TACC2: variants seen among roughly 807,000 people sequenced by gnomAD.
The protein encoded by TACC2 is transforming acidic coiled-coil-containing protein 2.
In TACC2, 137 loss-of-function variants were observed where a neutral mutation model predicts 227.3. The ratio of observed to expected loss-of-function variants is 0.60; its 90% CI spans 0.52 to 0.69. The LOEUF (loss-of-function observed/expected upper bound fraction) is 0.69. TACC2 is among the 30% of genes least tolerant of loss of function. The pLI is 0.00. For missense variants in TACC2, 3,470 were observed against 3,694.4 expected, an observed-to-expected ratio of 0.94 and a Z score of 1.57; for synonymous variants, 1,523 against 1,487.5, an observed-to-expected ratio of 1.02 and a Z score of -0.55.
intron 7 of TACC2, among the ~76,000 whole-genome samples, chr10:122,146,120 A>G (rs1485907241): frequency 6.6e-6 from 1 of 151,992 alleles, no homozygotes; most frequent in East Asian, 1.9e-4. Flanking sequence ...GCGACCCACA[A>G]CCTCACTTAG....
chr10:122,081,259 C>A (rs1388734639), intron 3 of TACC2, among the ~76,000 whole-genome samples: 1 of 151,720 alleles, frequency 6.6e-6, no homozygotes, highest in Non-Finnish European at 1.5e-5. Flanking sequence ...GTGGCTCACG[C>A]CTGTAATCCC....
chr10:122,158,982 C>A (rs184974048), intron 7 of TACC2, among the ~76,000 whole-genome samples: 51 of 152,308 alleles, frequency 3.3e-4, no homozygotes, highest in Admixed American at 1.8e-3. Context: ...ACACCAGACA[C>A]AGACACACCT....
At chr10:122,041,441 C>CTTTTTT (rs537169387) in intron 2 of TACC2, among the ~76,000 whole-genome samples, 3 of 140,188 alleles carry the variant, frequency 2.1e-5, no homozygotes, top group East Asian at 2.1e-4. Flanking sequence ...AGTTTCCTTT[C>CTTTTTT]TTTTTTTTTT....
At chr10:122,203,264 A>G (rs2094942168) in intron 8 of TACC2, among the ~76,000 whole-genome samples, 1 of 143,162 alleles carries the variant, frequency 7.0e-6, no homozygotes, top group African/African-American at 2.9e-5. Flanking sequence ...CACCTCCCGG[A>G]CGGGGCGGCT....
At chr10:122,071,972 A>G (rs1190403585) in intron 3 of TACC2, among the ~76,000 whole-genome samples, 2 of 140,186 alleles carry the variant, frequency 1.4e-5, no homozygotes, top group Non-Finnish European at 3.1e-5. Context: ...GATCTCCCCA[A>G]TAACTCTTTT....
chr10:122,141,555 C>T lies in TACC2; in HGVS notation c.5700-2017C>T, dbSNP rs1425369661. The stretch of plus-strand genomic sequence containing the variant: ...GGTGAGTGAGCCTTGGTTGTGCTGC[C>T]CCAGGGTGTTCTCAGAGATGGGGCA... On this transcript the variant is annotated intron_variant, in intron 6 of 22. Coordinates refer to ENST00000369005, the MANE Select transcript of TACC2 (RefSeq NM_206862.4). The surrounding 1 kb of genome is among the most constrained non-coding windows in gnomAD (Gnocchi z 4.3). Among the ~76,000 whole-genome samples, 1 of 151,904 alleles carries T rather than the reference C, an allele frequency of 6.6e-6. No individual in the cohort carries two copies. The highest frequency in any genetic ancestry group is 1.5e-5 in the Non-Finnish European group (1 of 67,944).
At chr10:122,022,233 T>C in intron 2 of TACC2, 1 of 515,286 alleles carries the variant, frequency 1.9e-6, no homozygotes, top group East Asian at 3.2e-5. Context: ...AAACGCTAAT[T>C]CTACTTATTA....
chr10:122,223,053 CT>C (rs35098612), intron 11 of TACC2, among the ~76,000 whole-genome samples: 26,822 of 93,756 alleles, frequency 0.29, 2,776 homozygotes, highest in Middle Eastern at 0.41. Context: ...CTCTCTCTCT[CT>C]TTTTTTTTTT....
chr10:122,199,176 C>T (rs1486573331), intron 8 of TACC2, among the ~76,000 whole-genome samples: 1 of 152,248 alleles, frequency 6.6e-6, no homozygotes, highest in Non-Finnish European at 1.5e-5. Flanking sequence ...ACATGGTCCC[C>T]AGGCACTGAT....
At chr10:122,112,250 T>C (rs535526413) in intron 5 of TACC2, among the ~76,000 whole-genome samples, 5 of 152,328 alleles carry the variant, frequency 3.3e-5, no homozygotes, top group South Asian at 2.1e-4. Flanking sequence ...AAAGGTGATA[T>C]GCCATGGTGT....
At chr10:122,181,176 A>G (rs1010674405) in intron 7 of TACC2, among the ~76,000 whole-genome samples, 1 of 152,170 alleles carries the variant, frequency 6.6e-6, no homozygotes, top group African/African-American at 2.4e-5. Context: ...AGTGAAATTT[A>G]TTGCTTAGTT....
chr10:122,210,752 C>G lies in TACC2; in HGVS notation c.6327C>G (p.Ala2109=). 1.9e-6 allele frequency: 3 copies of G among 1,613,928 alleles called. No homozygotes were observed. Among genetic ancestry groups the G allele is most frequent in the Non-Finnish European group, 2.5e-6 (3 of 1,180,014 alleles). The change falls in exon 9 of 23, where the codon GCC becomes GCG. Residue 2109 remains alanine, a synonymous_variant. Coordinates refer to ENST00000369005, the MANE Select transcript of TACC2 (RefSeq NM_206862.4). This position sits in a 1 kb window ranked among gnomAD's most constrained non-coding sequence, Gnocchi z 4.6. The part of the protein sequence containing the change: ...SSGNPEAVAL[A]PDAYSTGSSS... ...GCAATCCCGAGGCCGTGGCCCTTGC[C>G]CCAGATGCATATAGCACGGGTTCCA...
At chr10:122,045,958 A>AG (rs5788532) in intron 2 of TACC2, among the ~76,000 whole-genome samples, 152,242 of 152,242 alleles carry the variant, frequency 1, 76,121 homozygotes, top group Non-Finnish European at 1. Flanking sequence ...ATGGATCACG[A>AG]GTCAGGAGAT....
intron 6 of TACC2, among the ~76,000 whole-genome samples, chr10:122,140,912 T>A (rs2090434915): frequency 1.3e-5 from 2 of 152,136 alleles, no homozygotes; most frequent in Admixed American, 1.3e-4. Context: ...CAGGGAGGGC[T>A]TTACTCAGTG....
intron 5 of TACC2, among the ~76,000 whole-genome samples, chr10:122,092,981 T>C (rs1157790605): frequency 6.6e-6 from 1 of 152,222 alleles, no homozygotes; most frequent in Non-Finnish European, 1.5e-5. Flanking sequence ...GAATTTGGCA[T>C]TTTGGTTACA....
At chr10:122,182,275 T>C (rs1437566672) in intron 7 of TACC2, among the ~76,000 whole-genome samples, 1 of 152,180 alleles carries the variant, frequency 6.6e-6, no homozygotes, top group Non-Finnish European at 1.5e-5. Context: ...AGACCAAACA[T>C]GAAACCTGCT....
intron 2 of TACC2, chr10:122,023,559 A>G (rs4751863): frequency 0.31 from 46,265 of 151,288 alleles, 7,888 homozygotes; most frequent in African/African-American, 0.47. Context: ...AAAACCAAAC[A>G]CCATATATTC....
At chr10:122,097,511 G>A (rs2137492132) in intron 5 of TACC2, among the ~76,000 whole-genome samples, 1 of 151,218 alleles carries the variant, frequency 6.6e-6, no homozygotes, top group Admixed American at 6.6e-5. Context: ...TTCAGGCCAG[G>A]AGTACACTCG....
intron 5 of TACC2, among the ~76,000 whole-genome samples, chr10:122,127,803 G>A (rs956562875): frequency 2.6e-5 from 4 of 152,170 alleles, no homozygotes; most frequent in Admixed American, 1.3e-4. Flanking sequence ...GAAAGGGCCC[G>A]GAGCTGACAG....
Sources: gnomAD v4.1 joint callset for allele counts (sites outside exome capture counted in the v4.1 genomes callset) on GRCh38, gnomAD v4.1.1 for gene constraint, Gnocchi (gnomAD v3.1) non-coding constraint, MANE v1.5 for transcripts, NCBI Gene and HGNC (gene_info 2026-07-23, HGNC 2026-07-21) for gene names.